The following MYO3A variants were observed in gnomAD, a reference collection of about 807,000 sequenced individuals.
The protein encoded by MYO3A is myosin-IIIa.
Under a neutral mutation model 192.7 loss-of-function variants are expected in MYO3A, and 180 were observed. The observed-to-expected ratio is 0.93, with a 90% confidence interval of 0.83 to 1.06. MYO3A has a LOEUF of 1.06. Ranked by LOEUF, MYO3A falls within the 50% of genes least tolerant of loss-of-function variation. The pLI is 0.00. For missense variants in MYO3A, 1,896 were observed against 1,905.0 expected (o/e 1.00, Z 0.09); for synonymous variants, 628 against 645.3 (o/e 0.97, Z 0.41).
At chr10:26,019,530 A>G (rs1439822939) in intron 7 of MYO3A, among the ~76,000 whole-genome samples, 2 of 152,246 alleles carry the variant, frequency 1.3e-5, no homozygotes, top group East Asian at 1.9e-4. Context: ...GTTAGCCAGG[A>G]TGGTCTCGAT....
At chr10:26,179,113 T>TTTTTTTTTTTTTTTTTTG (rs1386278741) in intron 31 of MYO3A, among the ~76,000 whole-genome samples, 1 of 141,932 alleles carries the variant, frequency 7.0e-6, no homozygotes, top group African/African-American at 2.7e-5. Flanking sequence ...TTTTTTTTTT[T>TTTTTTTTTTTTTTTTTTG]TTGAGACGGA....
At chr10:25,969,254 T>G (rs1838465655) in intron 4 of MYO3A, among the ~76,000 whole-genome samples, 1 of 152,132 alleles carries the variant, frequency 6.6e-6, no homozygotes, top group Admixed American at 6.5e-5. Flanking sequence ...GGCCCCAGAA[T>G]GCAGGAGTAG....
At chr10:26,023,704 G>C (rs1842418393) in intron 8 of MYO3A, among the ~76,000 whole-genome samples, 2 of 152,064 alleles carry the variant, frequency 1.3e-5, no homozygotes, top group African/African-American at 4.8e-5. Context: ...CCTTTCCCCA[G>C]TATCTATTGT....
At chr10:26,205,300 C>G in intron 34 of MYO3A, among the ~76,000 whole-genome samples, 1 of 152,122 alleles carries the variant, frequency 6.6e-6, no homozygotes, top group East Asian at 1.9e-4. Context: ...TTCAAGTACA[C>G]AATACATTTC....
At chr10:26,046,427 A>G (rs1168038790) in intron 10 of MYO3A, among the ~76,000 whole-genome samples, 2 of 152,240 alleles carry the variant, frequency 1.3e-5, no homozygotes, top group East Asian at 1.9e-4. Context: ...TGTATTTTCA[A>G]CACTGGTGGC....
At chr10:26,141,089 G>A (rs1174089975) in intron 20 of MYO3A, among the ~76,000 whole-genome samples, 1 of 151,908 alleles carries the variant, frequency 6.6e-6, no homozygotes, top group African/African-American at 2.4e-5. Flanking sequence ...CACCACACCC[G>A]GCTAATTTTA....
At chr10:26,181,042 A>C (rs1250242891) in intron 31 of MYO3A, among the ~76,000 whole-genome samples, 1 of 152,148 alleles carries the variant, frequency 6.6e-6, no homozygotes, top group Non-Finnish European at 1.5e-5. Context: ...CTTTACAAAA[A>C]TCAATCACAG....
chr10:26,051,957 A>G (rs1222648130), intron 10 of MYO3A, among the ~76,000 whole-genome samples: 1 of 152,208 alleles, frequency 6.6e-6, no homozygotes, highest in Non-Finnish European at 1.5e-5. Context: ...CATTATGGTA[A>G]TGAATGAGCA....
At chr10:25,988,590 C>T (rs183019505) in intron 4 of MYO3A, among the ~76,000 whole-genome samples, 1 of 152,132 alleles carries the variant, frequency 6.6e-6, no homozygotes, top group African/African-American at 2.4e-5. Context: ...TTTGTACTTA[C>T]CCAAGAGAAA....
chr10:26,007,926 T>C (rs1841344283), intron 6 of MYO3A, among the ~76,000 whole-genome samples: 1 of 152,046 alleles, frequency 6.6e-6, no homozygotes, highest in Non-Finnish European at 1.5e-5. Flanking sequence ...CATCGCTAAG[T>C]CAATCCTAAG....
intron 19 of MYO3A, among the ~76,000 whole-genome samples, chr10:26,127,830 A>G (rs1465731531): frequency 6.6e-6 from 1 of 151,892 alleles, no homozygotes; most frequent in African/African-American, 2.4e-5. Context: ...ATTTAAATGT[A>G]AAAATAAATC....
intron 24 of MYO3A, 28 bp from the exon 25 acceptor site, chr10:26,154,718 G>A: frequency 1.3e-6 from 2 of 1,596,746 alleles, no homozygotes; most frequent in Non-Finnish European, 1.7e-6. Context: ...AGATACCAAG[G>A]CATCACTGTC....
At chr10:26,144,374 C>T (rs1840335094) in intron 21 of MYO3A, among the ~76,000 whole-genome samples, 1 of 151,678 alleles carries the variant, frequency 6.6e-6, no homozygotes, top group Non-Finnish European at 1.5e-5. Flanking sequence ...CATGTAGAGC[C>T]TCTTTCTTAC....
intron 10 of MYO3A, among the ~76,000 whole-genome samples, chr10:26,056,541 G>T (rs1490063092): frequency 2.0e-5 from 3 of 152,132 alleles, no homozygotes; most frequent in Non-Finnish European, 4.4e-5. Context: ...CATGTAAATG[G>T]ATAATGGCAG....
At chr10:26,004,143 T>G (rs374176790) in intron 6 of MYO3A, among the ~76,000 whole-genome samples, 16 of 152,262 alleles carry the variant, frequency 1.1e-4, no homozygotes, top group South Asian at 8.3e-4. Context: ...GGAAGGTATC[T>G]GCTGGCAGGG....
chr10:26,095,107 T>C (rs2131551509), intron 15 of MYO3A, among the ~76,000 whole-genome samples: 1 of 152,252 alleles, frequency 6.6e-6, no homozygotes, highest in East Asian at 1.9e-4. Flanking sequence ...AGAGCACAGT[T>C]CAGGCCACTG....
chr10:26,109,105 A>T (rs1175934783), intron 17 of MYO3A, among the ~76,000 whole-genome samples: 1 of 152,230 alleles, frequency 6.6e-6, no homozygotes, highest in East Asian at 1.9e-4. Context: ...TTTAATAAGG[A>T]CTTCTTGAGA....
At chr10:25,985,738 G>T (rs943377897) in intron 4 of MYO3A, among the ~76,000 whole-genome samples, 1 of 152,156 alleles carries the variant, frequency 6.6e-6, no homozygotes, top group African/African-American at 2.4e-5. Context: ...GGATCAGACA[G>T]ATTCACAGCT....
At chr10:25,980,338 T>C (rs1387834868) in intron 4 of MYO3A, among the ~76,000 whole-genome samples, 1 of 152,166 alleles carries the variant, frequency 6.6e-6, no homozygotes, top group Non-Finnish European at 1.5e-5. Flanking sequence ...CCTCACTATT[T>C]TGATTGTATT....
Sources: gnomAD v4.1 joint callset for allele counts (sites outside exome capture counted in the v4.1 genomes callset) on GRCh38, gnomAD v4.1.1 for gene constraint, MANE v1.5 for transcripts, NCBI Gene and HGNC (gene_info 2026-07-23, HGNC 2026-07-21) for gene names.